RNASEH2B: variants seen among roughly 807,000 people sequenced by gnomAD.
RNASEH2B encodes Aicardi-Goutieres syndrome 2 protein.
A neutral mutation model predicts 45.0 loss-of-function variants in RNASEH2B; 36 were observed. That is an observed-to-expected ratio of 0.80 (90% CI 0.61 to 1.06). RNASEH2B has a LOEUF of 1.06. Ranked by LOEUF, RNASEH2B falls within the 50% of genes least tolerant of loss-of-function variation. The probability of loss-of-function intolerance (pLI) is 0.00; values close to 1 mark genes in which losing one functional copy is unlikely to be tolerated. For missense variants in RNASEH2B, 361 were observed against 360.3 expected (o/e 1.00, Z -0.02); for synonymous variants, 119 against 125.7 (o/e 0.95, Z 0.35).
intron 1 of RNASEH2B, chr13:50,915,195 CATTTCTTCCTGCA>C (rs1879672374): frequency 2.6e-6 from 1 of 381,876 alleles, no homozygotes; most frequent in Non-Finnish European, 4.6e-6. Context: ...TCTCACATTC[CATTTCTTCCTGCA>C]ATGTCTTTGC....
At chr13:50,955,576 T>TCATATAC (rs1457128763) in intron 10 of RNASEH2B, 1 of 152,232 alleles carries the variant, frequency 6.6e-6, no homozygotes, top group Non-Finnish European at 1.5e-5. Flanking sequence ...ATTGTGGGAA[T>TCATATAC]CATATACTGT....
intron 1 of RNASEH2B, 50 bp from the exon 2 acceptor site, chr13:50,927,357 A>T: frequency 8.8e-7 from 1 of 1,135,498 alleles, no homozygotes; most frequent in East Asian, 2.4e-5. Context: ...TAAGGTGAGC[A>T]ACAAAACAGC....
At chr13:50,967,048 G>A (rs1375724910) in intron 9 of RNASEH2B, among the ~76,000 whole-genome samples, 2 of 152,150 alleles carry the variant, frequency 1.3e-5, no homozygotes, top group Admixed American at 6.6e-5. Context: ...TGGCATCTCT[G>A]GCCCCCAGTC....
intron 1 of RNASEH2B, among the ~76,000 whole-genome samples, chr13:50,914,290 C>T (rs957995213): frequency 6.6e-6 from 1 of 152,078 alleles, no homozygotes; most frequent in African/African-American, 2.4e-5. Context: ...TTTGTCAAAA[C>T]GGTATGTATG....
chr13:50,965,441 C>T (rs1455756665), intron 9 of RNASEH2B, among the ~76,000 whole-genome samples: 2 of 152,276 alleles, frequency 1.3e-5, no homozygotes, highest in Non-Finnish European at 2.9e-5. Context: ...ACTGTACATA[C>T]ACAGCACCTA....
chr13:50,919,326 C>T (rs779231004), intron 1 of RNASEH2B, among the ~76,000 whole-genome samples: 1 of 152,126 alleles, frequency 6.6e-6, no homozygotes, highest in African/African-American at 2.4e-5. Flanking sequence ...TTAAAAAATA[C>T]GGAATGGTTA....
At chr13:50,934,692 G>A (rs1469952878) in intron 4 of RNASEH2B, 193 bp from the exon 5 acceptor site, 4 of 608,350 alleles carry the variant, frequency 6.6e-6, no homozygotes, top group African/African-American at 1.8e-5. Flanking sequence ...GGACTCCAGT[G>A]CTCACAGGAG....
chr13:50,966,101 A>C (rs565451395), intron 9 of RNASEH2B, among the ~76,000 whole-genome samples: 1 of 152,346 alleles, frequency 6.6e-6, no homozygotes, highest in East Asian at 1.9e-4. Flanking sequence ...AAGGTATTAC[A>C]CATACCAGGT....
intron 7 of RNASEH2B, among the ~76,000 whole-genome samples, chr13:50,946,385 A>G (rs1020609646): frequency 3.3e-5 from 5 of 152,234 alleles, no homozygotes; most frequent in African/African-American, 9.6e-5. Context: ...AATTCAGGCA[A>G]TCTGATTTGC....
intron 6 of RNASEH2B, 43 bp from the exon 7 acceptor site, chr13:50,945,384 A>C (rs746658516): frequency 1.5e-6 from 2 of 1,360,474 alleles, no homozygotes; most frequent in South Asian, 2.3e-5. Context: ...TTCTAAAGTT[A>C]AGTTGAAAAT....
chr13:50,918,234 T>C (rs1879853675), intron 1 of RNASEH2B, among the ~76,000 whole-genome samples: 1 of 152,074 alleles, frequency 6.6e-6, no homozygotes, highest in Non-Finnish European at 1.5e-5. Flanking sequence ...GCCTCCCAGG[T>C]TCACGCCATT....
chr13:50,922,461 G>C (rs76926198), intron 1 of RNASEH2B, among the ~76,000 whole-genome samples: 166 of 152,208 alleles, frequency 1.1e-3, no homozygotes, highest in African/African-American at 3.9e-3. Flanking sequence ...AACTGTTGAA[G>C]GTATGCCTTA....
intron 9 of RNASEH2B, among the ~76,000 whole-genome samples, chr13:50,964,198 C>G (rs1244061933): frequency 1.3e-5 from 2 of 151,762 alleles, no homozygotes; most frequent in Admixed American, 1.3e-4. Context: ...AACTCCATCT[C>G]AAAATAAAAA....
intron 4 of RNASEH2B, among the ~76,000 whole-genome samples, chr13:50,933,286 G>T (rs527630437): frequency 6.6e-6 from 1 of 152,332 alleles, no homozygotes; most frequent in Admixed American, 6.5e-5. Context: ...GACTCTGGGG[G>T]ATTAACCCTG....
intron 5 of RNASEH2B, chr13:50,942,262 T>C (rs1051762023): frequency 6.6e-6 from 1 of 152,196 alleles, no homozygotes; most frequent in African/African-American, 2.4e-5. Flanking sequence ...TCATGGTATA[T>C]AAGGCTGGGT....
rs1951857767 is a variant in RNASEH2B, at chr13:50,943,385, G to A, written c.501G>A (p.Leu167=). 3.1e-6 allele frequency: 5 copies of A among 1,600,962 alleles called. No homozygotes were observed. Among genetic ancestry groups the A allele is most frequent in the Non-Finnish European group, 3.4e-6 (4 of 1,168,910 alleles). ...GCAAAGAGAAGACATTAAAGTGGCTGGAAAAAAAGGTATAGTTCCTCTCTA... is the reference window on the plus strand; with the variant it reads ...GCAAAGAGAAGACATTAAAGTGGCTAGAAAAAAAGGTATAGTTCCTCTCTA... The part of the protein sequence containing the change: ...KYSKEKTLKW[L]EKKVNQTVAA... Residue 167 remains leucine, a synonymous_variant, in exon 6 of 11, where the codon CTG becomes CTA. Transcript: ENST00000336617.
Position 50,948,201 on chromosome 13 carries a change from T to G in RNASEH2B, c.698+133T>G, listed in dbSNP as rs149642044. On this transcript the variant is annotated intron_variant, in intron 8 of 10. Coordinates refer to ENST00000336617, the MANE Select transcript of RNASEH2B (RefSeq NM_024570.4). ...TATTCTTCAGCTATGTCATATACTT[T>G]GTGCTTTGGGGATGATTTTTAATGG... 2.1e-6 allele frequency: 3 copies of G among 1,424,778 alleles called. No homozygotes were observed. In the African/African-American group the frequency reaches 4.3e-5, roughly 20 times the overall value. 88.3% of individuals were successfully genotyped at this position (1,424,778 alleles called of 1,614,324 possible).
chr13:50,926,013 C>A (rs1319709190), intron 1 of RNASEH2B, among the ~76,000 whole-genome samples: 2 of 152,142 alleles, frequency 1.3e-5, no homozygotes, highest in African/African-American at 4.8e-5. Context: ...GGACTACGGT[C>A]CTGCATGGCT....
chr13:50,909,819 G>A lies in RNASEH2B; in HGVS notation c.-258G>A, dbSNP rs1593439409. 1 of 392,258 alleles carries A rather than the reference G, an allele frequency of 2.5e-6. No individual in the cohort carries two copies. The highest frequency in any genetic ancestry group is 4.2e-5 in the East Asian group (1 of 23,590). The allele number at this position is 392,258 out of a possible 1,614,324, so 24.3% of individuals were successfully genotyped here. A position where few individuals can be genotyped will look rare whatever the true frequency, so the allele number is the denominator to read the frequency against. ...AGCGGAGCCGCGAGGGAGAGGCCGC[G>A]GCCCCTTCCCGTTGCCTGCGGCCAC... On this transcript the variant is annotated 5_prime_UTR_variant, in exon 1 of 11. Coordinates refer to ENST00000336617, the MANE Select transcript of RNASEH2B (RefSeq NM_024570.4).
Sources: allele counts gnomAD v4.1 joint callset (sites outside exome capture counted in the v4.1 genomes callset), GRCh38; gene constraint gnomAD v4.1.1; transcripts MANE v1.5; gene names NCBI Gene and HGNC (gene_info 2026-07-23, HGNC 2026-07-21).